SLC45A4: variants seen among roughly 807,000 people sequenced by gnomAD.
SLC45A4 encodes the protein polyamine-transporter SLC45A4.
Under a neutral mutation model 63.7 loss-of-function variants are expected in SLC45A4, and 32 were observed. That is an observed-to-expected ratio of 0.50 (90% CI 0.38 to 0.67). The LOEUF (loss-of-function observed/expected upper bound fraction) is 0.67. Ranked by LOEUF, SLC45A4 falls within the 30% of genes least tolerant of loss-of-function variation. SLC45A4 has a pLI of 0.00. For synonymous variants in SLC45A4, 535 were observed against 510.0 expected (o/e 1.05, Z -0.66); for missense variants, 1,027 against 1,157.7 (o/e 0.89, Z 1.64).
At chr8:141,282,266 A>G (rs1004166606) in intron 1 of SLC45A4, among the ~76,000 whole-genome samples, 9 of 152,174 alleles carry the variant, frequency 5.9e-5, no homozygotes, top group Non-Finnish European at 1.0e-4. Context: ...ATGACACGTG[A>G]GCAGAGCCGA....
chr8:141,295,008 C>T (rs977624625), intron 1 of SLC45A4, among the ~76,000 whole-genome samples: 11 of 152,216 alleles, frequency 7.2e-5, no homozygotes, highest in African/African-American at 1.2e-4. Flanking sequence ...CCAGGTTCTC[C>T]GGGGACAGTC....
chr8:141,237,955 T>A (rs545784739), intron 2 of SLC45A4, among the ~76,000 whole-genome samples: 9 of 152,374 alleles, frequency 5.9e-5, no homozygotes, highest in African/African-American at 1.2e-4. Context: ...AAAAATACAA[T>A]GATCTGAAAT....
chr8:141,285,448 C>T (rs912240448), intron 1 of SLC45A4, among the ~76,000 whole-genome samples: 3 of 152,196 alleles, frequency 2.0e-5, no homozygotes, highest in African/African-American at 7.2e-5. Context: ...ACCGGCCTTG[C>T]ACTTGGCCCG....
intron 1 of SLC45A4, among the ~76,000 whole-genome samples, chr8:141,288,087 G>T (rs1014124418): frequency 5.3e-5 from 8 of 152,156 alleles, no homozygotes; most frequent in Non-Finnish European, 1.0e-4. Context: ...TGACGTGGGA[G>T]GATCGCTTGA....
Position 141,228,165 on chromosome 8 carries a change from T to C in SLC45A4, c.242-6400A>G, listed in dbSNP as rs767448105. The C allele has an allele frequency of 2.5e-5, 40 of 1,613,748 alleles. 1 individual carries two copies. Among genetic ancestry groups the C allele is most frequent in the South Asian group, 2.2e-5 (2 of 91,086 alleles). ...CTGGGTGGAGGCAGCAGTTTTGAAA[T>C]TGAGCATTCTAACCTTTCTGAAGAC... On this transcript the variant is annotated intron_variant, in intron 2 of 8. Coordinates refer to ENST00000517878, the MANE Select transcript of SLC45A4 (RefSeq NM_001286646.2).
At chr8:141,243,327 C>G (rs973884576) in intron 2 of SLC45A4, among the ~76,000 whole-genome samples, 1 of 152,204 alleles carries the variant, frequency 6.6e-6, no homozygotes, top group East Asian at 1.9e-4. Flanking sequence ...GCAGCAAGCA[C>G]GAAGCGCAGT....
intron 1 of SLC45A4, among the ~76,000 whole-genome samples, chr8:141,281,107 G>A (rs1410034555): frequency 6.6e-6 from 1 of 152,252 alleles, no homozygotes; most frequent in Non-Finnish European, 1.5e-5. Context: ...GGGAGGCTGA[G>A]GCGGGTGGAT....
intron 1 of SLC45A4, among the ~76,000 whole-genome samples, chr8:141,263,425 AAAATAAAT>A (rs375287710): frequency 4.3e-4 from 65 of 151,984 alleles, no homozygotes; most frequent in African/African-American, 1.4e-3. Context: ...AAACTGTGAA[AAAATAAAT>A]AAATAAATAA....
chr8:141,212,667 C>G lies in SLC45A4; in HGVS notation c.1942-111G>C, dbSNP rs1003248582. ...GCCTGGAAACATGACCCGTCTTCCA[C>G]CGAGTCTCTTGGCAACCACTCCTGC... is the stretch of plus-strand genomic sequence containing the variant. On this transcript the variant is annotated intron_variant, in intron 7 of 8. Transcript: ENST00000517878. The G allele has an allele frequency of 4.4e-6, 6 of 1,352,722 alleles. No homozygotes were observed. In the African/African-American group the frequency reaches 8.8e-5, roughly 20 times the overall value. The allele number at this position is 1,352,722 out of a possible 1,614,324, so 83.8% of individuals were successfully genotyped here.
intron 1 of SLC45A4, among the ~76,000 whole-genome samples, chr8:141,279,923 G>A (rs1040277080): frequency 2.6e-5 from 4 of 152,220 alleles, no homozygotes; most frequent in Non-Finnish European, 5.9e-5. Context: ...TACTTTGGAG[G>A]ATAAATATTA....
chr8:141,300,592 C>T (rs1184110894), intron 1 of SLC45A4, among the ~76,000 whole-genome samples: 2 of 152,222 alleles, frequency 1.3e-5, no homozygotes, highest in African/African-American at 2.4e-5. Flanking sequence ...CCAGCTGCCT[C>T]GCTCCGGAAC....
At chr8:141,284,881 G>A (rs922566247) in intron 1 of SLC45A4, among the ~76,000 whole-genome samples, 7 of 150,996 alleles carry the variant, frequency 4.6e-5, no homozygotes, top group Admixed American at 2.0e-4. Context: ...CCCCTGCCCC[G>A]CCCCTGTCCC....
In SLC45A4 at chr8:141,227,767, G is replaced by A. The variant is rs1049487911; in HGVS notation, c.242-6002C>T. Reference sequence around the variant, plus strand: ...GGAAGATAGGGAGGGGGTGAAAAGAGGGGCAAGCTCAGGTGCTTTTCCTGA... The same window carrying A: ...GGAAGATAGGGAGGGGGTGAAAAGAAGGGCAAGCTCAGGTGCTTTTCCTGA... On this transcript the variant is annotated intron_variant, in intron 2 of 8. Transcript: ENST00000517878. This position sits in a 1 kb window ranked among gnomAD's most constrained non-coding sequence, Gnocchi z 4.4. Among the ~76,000 whole-genome samples, 1 of 152,202 alleles carries A rather than the reference G, an allele frequency of 6.6e-6. No individual in the cohort carries two copies. Among genetic ancestry groups the A allele is most frequent in the African/African-American group, 2.4e-5 (1 of 41,464 alleles).
intron 1 of SLC45A4, among the ~76,000 whole-genome samples, chr8:141,270,473 A>G (rs2154614919): frequency 6.6e-6 from 1 of 152,010 alleles, no homozygotes; most frequent in Admixed American, 6.5e-5. Context: ...CAGGAGTTCC[A>G]GACCAGCCTG....
chr8:141,242,627 C>T (rs1416398301), intron 2 of SLC45A4, among the ~76,000 whole-genome samples: 1 of 152,104 alleles, frequency 6.6e-6, no homozygotes, highest in Admixed American at 6.5e-5. Context: ...TCGGTGAGTG[C>T]CCCAGATAAC....
intron 2 of SLC45A4, among the ~76,000 whole-genome samples, chr8:141,249,412 G>A (rs540155262): frequency 6.6e-6 from 1 of 152,364 alleles, no homozygotes; most frequent in South Asian, 2.1e-4. Context: ...AGAAAGTACT[G>A]ATTCATGCAG....
chr8:141,216,445 C>T (rs1826160043), intron 6 of SLC45A4, among the ~76,000 whole-genome samples: 2 of 152,230 alleles, frequency 1.3e-5, no homozygotes. Flanking sequence ...CGGCACCTCC[C>T]CTGGGAAAGT....
At chr8:141,271,085 C>A (rs1829502642) in intron 1 of SLC45A4, among the ~76,000 whole-genome samples, 1 of 152,250 alleles carries the variant, frequency 6.6e-6, no homozygotes, top group Non-Finnish European at 1.5e-5. Context: ...ATGCTGTTCT[C>A]ATAGTTACTG....
chr8:141,303,178 A>G (rs547094415), intron 1 of SLC45A4, among the ~76,000 whole-genome samples: 1 of 151,468 alleles, frequency 6.6e-6, no homozygotes, highest in Non-Finnish European at 1.5e-5. Context: ...TTTTGTATTT[A>G]TAGAGACAGG....
Sources: gnomAD v4.1 joint callset for allele counts (sites outside exome capture counted in the v4.1 genomes callset) on GRCh38, gnomAD v4.1.1 for gene constraint, Gnocchi (gnomAD v3.1) non-coding constraint, MANE v1.5 for transcripts, NCBI Gene and HGNC (gene_info 2026-07-23, HGNC 2026-07-21) for gene names.